The following NUP188 variants were observed in gnomAD, a reference collection of about 807,000 sequenced individuals.
NUP188 encodes the protein nucleoporin 188, also known as nucleoporin NUP188.
A neutral mutation model predicts 223.0 loss-of-function variants in NUP188; 97 were observed. The ratio of observed to expected loss-of-function variants is 0.43; its 90% confidence interval spans 0.37 to 0.51. NUP188 has a LOEUF of 0.51. Among genes scored for constraint, NUP188 ranks in the 20% least tolerant of loss-of-function variants. NUP188 has a pLI of 0.00. For synonymous variants in NUP188, 869 were observed against 828.0 expected (o/e 1.05, Z -0.85); for missense variants, 1,947 against 2,175.6 (o/e 0.89, Z 2.09).
At position 128,973,163 on chromosome 9, in the gene NUP188, A is replaced by G; in HGVS notation, c.1117A>G (p.Thr373Ala). The G allele has an allele frequency of 1.2e-6, 2 of 1,608,408 alleles. No homozygotes were observed. The highest frequency in any genetic ancestry group is 1.7e-6 in the Non-Finnish European group (2 of 1,176,006). Residue 373 changes from threonine to alanine, a missense_variant, in exon 12 of 44, where the codon ACC becomes GCC. Coordinates refer to ENST00000372577, the MANE Select transcript of NUP188 (RefSeq NM_015354.3). ...ACTGACTCCTTTGTCATTCCAGTGC[A>G]CCACCAGCACTGCATGCATGTGTGT... Reference protein sequence around the residue: ...QSLASGGNDCTTSTACMCVYG... With the variant: ...QSLASGGNDCATSTACMCVYG...
chr9:128,994,239 C>A, intron 27 of NUP188, 134 bp from the exon 28 acceptor site: 2 of 672,646 alleles, frequency 3.0e-6, no homozygotes. Flanking sequence ...TATACGGGAA[C>A]AACTGACTTA....
chr9:128,995,186 G>A (rs568814862), intron 29 of NUP188, 133 bp from the exon 30 acceptor site: 21 of 705,616 alleles, frequency 3.0e-5, no homozygotes, highest in South Asian at 2.8e-4. Context: ...TAACCCACAC[G>A]TTGGAGGTGT....
At chr9:129,005,599 C>T in intron 40 of NUP188, 46 bp from the exon 41 acceptor site, 1 of 1,611,394 alleles carries the variant, frequency 6.2e-7, no homozygotes, top group Non-Finnish European at 8.5e-7. Context: ...CGAGAGCTAC[C>T]TGGGGCCTTA....
chr9:128,995,222 A>G (rs1842501510), intron 29 of NUP188, 97 bp from the exon 30 acceptor site: 6 of 965,864 alleles, frequency 6.2e-6, no homozygotes, highest in East Asian at 2.4e-5. Context: ...CTTTAAGCCC[A>G]TGCAAGGTCG....
At chr9:128,994,025 A>G (rs530616010) in intron 27 of NUP188, among the ~76,000 whole-genome samples, 1 of 152,322 alleles carries the variant, frequency 6.6e-6, no homozygotes, top group African/African-American at 2.4e-5. Context: ...ATTCCGTTCT[A>G]TTGGACCTGC....
chr9:128,997,987 A>G (rs1026361586), intron 30 of NUP188, among the ~76,000 whole-genome samples, 164 bp from the exon 31 acceptor site: 6 of 152,028 alleles, frequency 3.9e-5, no homozygotes, highest in Non-Finnish European at 8.8e-5. Context: ...CCAAAGTGTT[A>G]GGATTACAGG....
chr9:128,954,989 T>G (rs1841848982), intron 3 of NUP188, among the ~76,000 whole-genome samples: 1 of 152,120 alleles, frequency 6.6e-6, no homozygotes, highest in African/African-American at 2.4e-5. Context: ...TAGCTGGGAC[T>G]ACAGGTGCAT....
chr9:128,978,556 C>CA (rs57813508), intron 12 of NUP188, among the ~76,000 whole-genome samples: 4,184 of 66,230 alleles, frequency 0.063, 374 homozygotes, highest in African/African-American at 0.25. Flanking sequence ...GAGTGAGACT[C>CA]AAAAAAAAAA....
chr9:128,995,276 C>G, intron 29 of NUP188, 43 bp from the exon 30 acceptor site: 1 of 1,512,808 alleles, frequency 6.6e-7, no homozygotes, highest in Non-Finnish European at 9.2e-7. Context: ...ATATTCCCAT[C>G]TGCTTTCAAA....
Position 128,949,251 on chromosome 9 carries a change from G to C in NUP188, c.87+8G>C, listed in dbSNP as rs1285037954. Reference sequence around the variant, plus strand: ...TCAGCTCTGAGAGAGCTGGTAAGTGGTGGTGTTCTTGAGTGGGTTCTCTGG... The same window carrying C: ...TCAGCTCTGAGAGAGCTGGTAAGTGCTGGTGTTCTTGAGTGGGTTCTCTGG... On this transcript the variant is annotated splice_region_variant and intron_variant, in intron 2 of 43. Transcript: ENST00000372577. 1.2e-6 allele frequency: 2 copies of C among 1,609,348 alleles called. No homozygotes were observed. The highest frequency in any genetic ancestry group is 1.7e-6 in the Non-Finnish European group (2 of 1,175,866).
At position 129,006,642 on chromosome 9, in the gene NUP188, G is replaced by T; in HGVS notation, c.5214G>T (p.Gln1738His). ...CTGAGAGTCAGGAGCCTCTGATCCA[G>T]TTGGTGCAGGCGTTTGTCCGGCATA... Reference protein sequence around the residue: ...ASPESQEPLIQLVQAFVRHMQ... With the variant: ...ASPESQEPLIHLVQAFVRHMQ... The change falls in exon 44 of 44, where the codon CAG (glutamine) becomes CAT (histidine). Residue 1738 changes from glutamine (Q) to histidine (H), a missense_variant. This residue lies in a region of NUP188 where 905 missense variants were observed against 990.6 expected (regional missense o/e 0.91). Coordinates refer to ENST00000372577, the MANE Select transcript of NUP188 (RefSeq NM_015354.3). The T allele has an allele frequency of 6.2e-7, 1 of 1,614,144 alleles. No homozygotes were observed.
chr9:128,978,556 C>CAA lies in NUP188; in HGVS notation c.1204-684_1204-683dup, dbSNP rs57813508. 4.5e-3 allele frequency among the ~76,000 whole-genome samples: 305 copies of CAA among 67,270 alleles called. 3 individuals are homozygous for CAA. Among genetic ancestry groups the CAA allele is most frequent in the African/African-American group, 0.013 (172 of 13,090 alleles). 44.1% of individuals were successfully genotyped at this position (67,270 alleles called of 152,430 possible). A position where few individuals can be genotyped will look rare whatever the true frequency, so the allele number is the denominator to read the frequency against. On this transcript the variant is annotated intron_variant, in intron 12 of 43. Coordinates refer to ENST00000372577, the MANE Select transcript of NUP188 (RefSeq NM_015354.3). ...CCAGCCTGGGCGACAGAGTGAGACT[C>CAA]AAAAAAAAAAAAAAAAAAAAAAAGG... is the stretch of plus-strand genomic sequence containing the variant.
chr9:128,999,868 C>A, intron 34 of NUP188, 63 bp downstream of exon 34: 1 of 1,500,818 alleles, frequency 6.7e-7, no homozygotes, highest in Non-Finnish European at 9.2e-7. Context: ...GTGCCTGACT[C>A]TGGGGATAAG....
At position 128,968,517 on chromosome 9, in the gene NUP188, A is replaced by G. The variant is rs773630917; in HGVS notation, c.597A>G (p.Gln199=). The part of the protein sequence containing the change: ...ETHGNLMTER[Q]VSRWFVQCLR... ...CATTGGTTGTACAGACAGAGCGCCA[A>G]GTGTCTCGCTGGTTTGTTCAGTGCC... Residue 199 remains glutamine, a synonymous_variant, in exon 9 of 44, where the codon CAA becomes CAG. Coordinates refer to ENST00000372577, the MANE Select transcript of NUP188 (RefSeq NM_015354.3). 1.2e-5 allele frequency: 19 copies of G among 1,613,870 alleles called. No individual in the cohort carries two copies. The highest frequency in any genetic ancestry group is 3.3e-5 in the Admixed American group (2 of 59,984).
At chr9:128,962,634 TG>T (rs550196392) in intron 8 of NUP188, among the ~76,000 whole-genome samples, 9 of 152,028 alleles carry the variant, frequency 5.9e-5, no homozygotes, top group Non-Finnish European at 1.0e-4. Flanking sequence ...CACCCCATCC[TG>T]GGCCACAGAG....
intron 12 of NUP188, among the ~76,000 whole-genome samples, chr9:128,976,633 T>TG (rs1251712157): frequency 6.6e-6 from 1 of 151,530 alleles, no homozygotes; most frequent in East Asian, 1.9e-4. Flanking sequence ...ACTGTGACAT[T>TG]GCACTCCAGC....
intron 8 of NUP188, among the ~76,000 whole-genome samples, chr9:128,966,947 A>G (rs1441843135): frequency 6.6e-6 from 1 of 152,230 alleles, no homozygotes; most frequent in Non-Finnish European, 1.5e-5. Flanking sequence ...TATTGGTTGA[A>G]TAATCTATGG....
chr9:128,962,019 C>T (rs946220956), intron 8 of NUP188, among the ~76,000 whole-genome samples: 13 of 151,446 alleles, frequency 8.6e-5, no homozygotes, highest in Non-Finnish European at 1.6e-4. Context: ...TCACCACAGT[C>T]TCCACCTCCT....
At position 129,005,358 on chromosome 9, in the gene NUP188, C is replaced by CGCAGAG; in HGVS notation, c.4566_4567insCAGAGG (p.Pro1522_Ser1523insGlnArg). 1.2e-6 allele frequency: 2 copies of CGCAGAG among 1,613,870 alleles called. No individual in the cohort carries two copies. The highest frequency in any genetic ancestry group is 2.2e-5 in the South Asian group (2 of 91,082). On this transcript the variant is annotated inframe_insertion, in exon 40 of 44. Coordinates refer to ENST00000372577, the MANE Select transcript of NUP188 (RefSeq NM_015354.3). ...GTTGCCCAGCGAGTCCAGAGGCCACCGTCTGCTGCTTCTGCTGCCCCCTCC... is the reference window on the plus strand; with the variant it reads ...GTTGCCCAGCGAGTCCAGAGGCCACCGCAGAGGTCTGCTGCTTCTGCTGCCCCCTCC...
Sources: allele counts gnomAD v4.1 joint callset (sites outside exome capture counted in the v4.1 genomes callset), GRCh38; gene constraint gnomAD v4.1.1; regional missense constraint gnomAD v4.1.1; transcripts MANE v1.5; gene names NCBI Gene and HGNC (gene_info 2026-07-23, HGNC 2026-07-21).